The following HAAO variants were observed in gnomAD, a reference collection of about 807,000 sequenced individuals.
HAAO encodes 3-hydroxyanthranilate 3,4-dioxygenase.
A neutral mutation model predicts 46.2 loss-of-function variants in HAAO; 49 were observed. The ratio of observed to expected loss-of-function variants is 1.06; its 90% CI spans 0.84 to 1.34. HAAO has a LOEUF of 1.34. Among genes scored for constraint, HAAO ranks in the 40% most tolerant of loss-of-function variants. The pLI is 0.00. For missense variants in HAAO, 408 were observed against 364.5 expected (o/e 1.12, Z -0.97); for synonymous variants, 157 against 145.2 (o/e 1.08, Z -0.58).
intron 7 of HAAO, among the ~76,000 whole-genome samples, chr2:42,768,244 C>T (rs1312321798): frequency 6.6e-6 from 1 of 152,250 alleles, no homozygotes; most frequent in Non-Finnish European, 1.5e-5. Flanking sequence ...GCATTTCCAT[C>T]AGCTTCCCAG....
chr2:42,789,205 A>G (rs916194800), intron 1 of HAAO: 1 of 154,638 alleles, frequency 6.5e-6, no homozygotes. Flanking sequence ...CACAGAGTTT[A>G]AACAGAATAC....
At chr2:42,787,637 A>C (rs1439561853) in intron 2 of HAAO, among the ~76,000 whole-genome samples, 1 of 152,018 alleles carries the variant, frequency 6.6e-6, no homozygotes, top group Non-Finnish European at 1.5e-5. Context: ...ATATTTATTG[A>C]ACAAGTGATT....
intron 4 of HAAO, among the ~76,000 whole-genome samples, chr2:42,773,724 A>G (rs1047310496): frequency 6.6e-6 from 1 of 151,976 alleles, no homozygotes; most frequent in South Asian, 2.1e-4. Context: ...GTAGCTGGGA[A>G]TACAGGCGCC....
intron 4 of HAAO, among the ~76,000 whole-genome samples, chr2:42,771,600 T>C (rs1671124632): frequency 6.6e-6 from 1 of 152,214 alleles, no homozygotes; most frequent in Non-Finnish European, 1.5e-5. Flanking sequence ...TAGCCTTCAG[T>C]AGACCCCTAA....
In HAAO at chr2:42,767,505, C is replaced by T. The variant is rs1670752787; in HGVS notation, c.793G>A (p.Glu265Lys). The change falls in exon 10 of 10, where the codon GAG becomes AAG. Residue 265 changes from glutamate (E) to lysine (K), a missense_variant. Glu to Lys is a moderately conservative substitution (Grantham distance 56). Transcript: ENST00000294973. The stretch of plus-strand genomic sequence containing the variant: ...AGGGCCACAGAGCCTTGTGTTCGCT[C>T]CCAGGCATACCTGTGGACACACAGA... ...LVLAGTSYAW[E>K]RTQGSVALSV... The T allele has an allele frequency of 6.2e-7, 1 of 1,611,910 alleles. No homozygotes were observed.
intron 4 of HAAO, among the ~76,000 whole-genome samples, chr2:42,771,514 G>A (rs1478897533): frequency 6.6e-6 from 1 of 152,066 alleles, no homozygotes; most frequent in Non-Finnish European, 1.5e-5. Context: ...CTTCTTTCAG[G>A]GTCATGATTG....
chr2:42,791,896 A>T (rs1255081672), intron 1 of HAAO, among the ~76,000 whole-genome samples: 1 of 110,870 alleles, frequency 9.0e-6, no homozygotes, highest in African/African-American at 3.8e-5. Flanking sequence ...GGCTACTGGC[A>T]GAGGTGGCCT....
chr2:42,779,786 A>T (rs1268649576), intron 4 of HAAO, among the ~76,000 whole-genome samples: 1 of 152,198 alleles, frequency 6.6e-6, no homozygotes, highest in Non-Finnish European at 1.5e-5. Flanking sequence ...AAACTTTCCA[A>T]AATCAAATGA....
At chr2:42,783,500 C>T (rs908840114) in intron 3 of HAAO, 80 bp from the exon 4 acceptor site, 79 of 896,466 alleles carry the variant, frequency 8.8e-5, no homozygotes, top group Non-Finnish European at 1.3e-4. Flanking sequence ...CCTGGGCATC[C>T]CCAGCTGACC....
chr2:42,778,573 C>T (rs1671761011), intron 4 of HAAO, among the ~76,000 whole-genome samples: 1 of 152,172 alleles, frequency 6.6e-6, no homozygotes, highest in African/African-American at 2.4e-5. Flanking sequence ...CATGATTTGC[C>T]TGTCTCGGCC....
chr2:42,776,950 G>T (rs1205169438), intron 4 of HAAO, among the ~76,000 whole-genome samples: 1 of 151,258 alleles, frequency 6.6e-6, no homozygotes, highest in Non-Finnish European at 1.5e-5. Flanking sequence ...CCTTTAATAT[G>T]CAACTTTAAG....
Position 42,787,572 on chromosome 2 carries a change from A to G in HAAO, c.159+957T>C, listed in dbSNP as rs192124318. ...GGCTGGTTCTGCTGGCCCAGGGCCC[A>G]TCGTTCCTCCACACAGCCTTGGGTG... On this transcript the variant is annotated intron_variant, in intron 2 of 9. Coordinates refer to ENST00000294973, the MANE Select transcript of HAAO (RefSeq NM_012205.3). Among the ~76,000 whole-genome samples, 10 of 152,282 alleles carry G rather than the reference A, an allele frequency of 6.6e-5. No homozygotes were observed. In the East Asian group the frequency reaches 1.9e-3, roughly 29 times the overall value.
chr2:42,791,776 A>G (rs1821981), intron 1 of HAAO, among the ~76,000 whole-genome samples: 121,180 of 152,096 alleles, frequency 0.8, 48,619 homozygotes, highest in Middle Eastern at 0.93. Flanking sequence ...GGGCCCCGCC[A>G]TGGAACTGGG....
At chr2:42,775,940 G>A (rs1671535385) in intron 4 of HAAO, among the ~76,000 whole-genome samples, 2 of 149,778 alleles carry the variant, frequency 1.3e-5, no homozygotes, top group Admixed American at 1.3e-4. Flanking sequence ...GGAAGAGTGT[G>A]GTTTTATCGC....
At chr2:42,777,128 C>T (rs1291923497) in intron 4 of HAAO, among the ~76,000 whole-genome samples, 47 of 151,244 alleles carry the variant, frequency 3.1e-4, no homozygotes, top group Non-Finnish European at 4.4e-5. Context: ...ATGGTGAAAT[C>T]CTGTCTCTAC....
At chr2:42,769,943 TC>T (rs1670978326) in intron 6 of HAAO, 85 bp from the exon 7 acceptor site, 2 of 1,417,024 alleles carry the variant, frequency 1.4e-6, no homozygotes, top group Non-Finnish European at 1.9e-6. Flanking sequence ...GGGCCCCAGG[TC>T]TCAATTGCCA....
intron 1 of HAAO, 121 bp downstream of exon 1, chr2:42,792,336 G>T (rs1672866302): frequency 1.8e-6 from 1 of 551,312 alleles, no homozygotes; most frequent in Non-Finnish European, 3.2e-6. Flanking sequence ...AGAACCAAGA[G>T]ATTAAAGCGG....
intron 4 of HAAO, among the ~76,000 whole-genome samples, chr2:42,782,250 G>T (rs191157820): frequency 2.3e-4 from 35 of 152,242 alleles, no homozygotes; most frequent in Middle Eastern, 3.4e-3. Context: ...GAAAATGTCA[G>T]CAACCAATTT....
chr2:42,777,859 TTA>T (rs1178817092), intron 4 of HAAO, among the ~76,000 whole-genome samples: 1 of 152,126 alleles, frequency 6.6e-6, no homozygotes, highest in Non-Finnish European at 1.5e-5. Context: ...TTTATCTAAT[TTA>T]AGGCTTATTT....
Sources: allele counts gnomAD v4.1 joint callset (sites outside exome capture counted in the v4.1 genomes callset), GRCh38; gene constraint gnomAD v4.1.1; transcripts MANE v1.5; gene names NCBI Gene and HGNC (gene_info 2026-07-23, HGNC 2026-07-21).